PTPRD: variants seen among roughly 807,000 people sequenced by gnomAD.
PTPRD encodes the protein protein tyrosine phosphatase receptor type D.
PTPRD carries 34 observed loss-of-function variants against 214.5 expected under a neutral mutation model. That is an observed-to-expected ratio of 0.16 (90% CI 0.12 to 0.21). The LOEUF (loss-of-function observed/expected upper bound fraction) is 0.21, where lower values mean the gene tolerates loss of function less well. Among genes scored for constraint, PTPRD ranks in the 10% least tolerant of loss-of-function variants. The probability of loss-of-function intolerance (pLI) is 1.00; values close to 1 mark genes in which losing one functional copy is unlikely to be tolerated. For synonymous variants in PTPRD, 1,128 were observed against 845.7 expected, an observed-to-expected ratio of 1.33 and a Z score of -5.79; for missense variants, 2,545 against 2,398.7, an observed-to-expected ratio of 1.06 and a Z score of -1.27.
chr9:10,325,676 TACACCTTTCAAAACAACC>T (rs2096630668), intron 3 of PTPRD, among the ~76,000 whole-genome samples: 1 of 151,948 alleles, frequency 6.6e-6, no homozygotes, highest in South Asian at 2.1e-4. Context: ...AAACAATAGC[TACACCTTTCAAAACAACC>T]AAACTGCAGG....
At chr9:8,737,549 AG>A (rs2090759995) in intron 11 of PTPRD, among the ~76,000 whole-genome samples, 1 of 151,100 alleles carries the variant, frequency 6.6e-6, no homozygotes, top group African/African-American at 2.4e-5. Context: ...AAGGAGGTTC[AG>A]TGATATTAAA....
chr9:9,918,748 C>T (rs985600886), intron 5 of PTPRD, among the ~76,000 whole-genome samples: 8 of 152,050 alleles, frequency 5.3e-5, no homozygotes, highest in South Asian at 2.1e-4. Context: ...AATTAATCCA[C>T]GTATCTATAG....
chr9:10,191,243 C>G (rs1355216474), intron 3 of PTPRD, among the ~76,000 whole-genome samples: 2 of 151,904 alleles, frequency 1.3e-5, no homozygotes, highest in African/African-American at 4.8e-5. Context: ...ATTTTTACCT[C>G]TGAGAAATAT....
At chr9:8,339,472 A>G (rs1221568412) in intron 42 of PTPRD, among the ~76,000 whole-genome samples, 2 of 152,142 alleles carry the variant, frequency 1.3e-5, no homozygotes, top group Non-Finnish European at 2.9e-5. Flanking sequence ...ATCAGTATGG[A>G]CATAGAAAGA....
intron 4 of PTPRD, among the ~76,000 whole-genome samples, chr9:9,989,821 G>A (rs905847494): frequency 1.7e-4 from 26 of 152,314 alleles, no homozygotes; most frequent in South Asian, 2.1e-4. Flanking sequence ...TACGGGGTTC[G>A]TTCTTGCTGG....
intron 3 of PTPRD, among the ~76,000 whole-genome samples, chr9:10,208,445 C>T (rs2099496738): frequency 1.3e-5 from 2 of 152,278 alleles, no homozygotes; most frequent in East Asian, 1.9e-4. Context: ...ACCCGGGAGG[C>T]GGAGCTTGCA....
intron 11 of PTPRD, among the ~76,000 whole-genome samples, chr9:8,866,634 T>C (rs566413296): frequency 2.0e-4 from 31 of 152,342 alleles, no homozygotes; most frequent in African/African-American, 6.5e-4. Flanking sequence ...TTTTCCATTC[T>C]AATCTTTACC....
At chr9:9,580,478 G>A (rs1288964547) in intron 7 of PTPRD, among the ~76,000 whole-genome samples, 1 of 151,268 alleles carries the variant, frequency 6.6e-6, no homozygotes, top group Admixed American at 6.6e-5. Context: ...CATTTTTGAT[G>A]CGCTTGTTGG....
intron 34 of PTPRD, among the ~76,000 whole-genome samples, chr9:8,441,198 G>A (rs1258204123): frequency 1.3e-5 from 2 of 152,118 alleles, no homozygotes; most frequent in East Asian, 3.9e-4. Flanking sequence ...ACTTTGAACA[G>A]AGACTCCAGA....
chr9:8,685,524 A>C (rs554282487), intron 12 of PTPRD, among the ~76,000 whole-genome samples: 1 of 152,340 alleles, frequency 6.6e-6, no homozygotes, highest in East Asian at 1.9e-4. Flanking sequence ...TCAAGGCAAC[A>C]AACACATCAG....
chr9:9,564,406 T>C (rs909187618), intron 8 of PTPRD, among the ~76,000 whole-genome samples: 1 of 152,086 alleles, frequency 6.6e-6, no homozygotes, highest in Non-Finnish European at 1.5e-5. Context: ...ATAACAGAGT[T>C]GGCATGAGGA....
intron 12 of PTPRD, among the ~76,000 whole-genome samples, chr9:8,703,614 C>A (rs76710623): frequency 5.9e-5 from 9 of 152,156 alleles, no homozygotes; most frequent in Non-Finnish European, 1.2e-4. Flanking sequence ...TGTTTCCCCT[C>A]GACTTCTCAT....
At chr9:10,039,917 A>G (rs761061462) in intron 3 of PTPRD, among the ~76,000 whole-genome samples, 56 of 152,074 alleles carry the variant, frequency 3.7e-4, no homozygotes, top group Non-Finnish European at 7.6e-4. Context: ...GAGCTTCACA[A>G]TTTTAATTAT....
intron 5 of PTPRD, among the ~76,000 whole-genome samples, chr9:9,768,010 C>T (rs752687503): frequency 1.1e-4 from 16 of 152,098 alleles, no homozygotes; most frequent in Non-Finnish European, 1.9e-4. Flanking sequence ...CAAGTGCATC[C>T]ATACATACAC....
intron 7 of PTPRD, among the ~76,000 whole-genome samples, chr9:9,639,470 G>A (rs946331644): frequency 6.6e-6 from 1 of 152,058 alleles, no homozygotes; most frequent in Admixed American, 6.6e-5. Context: ...TTTCACTCTG[G>A]CCATTTTCCT....
intron 8 of PTPRD, among the ~76,000 whole-genome samples, chr9:9,435,125 A>G (rs1588338933): frequency 1.3e-5 from 2 of 152,012 alleles, no homozygotes; most frequent in African/African-American, 4.8e-5. Flanking sequence ...TACTTTCTTT[A>G]TTATTTCTAT....
At chr9:9,354,017 T>G (rs1304386797) in intron 9 of PTPRD, among the ~76,000 whole-genome samples, 2 of 151,780 alleles carry the variant, frequency 1.3e-5, no homozygotes, top group Non-Finnish European at 2.9e-5. Context: ...GGGGTCACTC[T>G]TAGCTCCTAG....
At chr9:8,947,024 C>CTT (rs2099069439) in intron 11 of PTPRD, among the ~76,000 whole-genome samples, 1 of 90,816 alleles carries the variant, frequency 1.1e-5, no homozygotes, top group Non-Finnish European at 2.2e-5. Flanking sequence ...ATTTTTTTTT[C>CTT]TTTTCTTTTT....
chr9:9,794,493 TG>T (rs1480594850), intron 5 of PTPRD, among the ~76,000 whole-genome samples: 1 of 147,432 alleles, frequency 6.8e-6, no homozygotes, highest in Non-Finnish European at 1.5e-5. Flanking sequence ...AGAGAAGGCA[TG>T]GGGGGTATAT....
Sources: gnomAD v4.1 joint callset for allele counts (sites outside exome capture counted in the v4.1 genomes callset) on GRCh38, gnomAD v4.1.1 for gene constraint, MANE v1.5 for transcripts, NCBI Gene and HGNC (gene_info 2026-07-23, HGNC 2026-07-21) for gene names.